NAP1L4: variants seen among roughly 807,000 people sequenced by gnomAD.
NAP1L4 encodes nucleosome assembly protein 1 like 4.
NAP1L4 carries 15 observed loss-of-function variants against 58.2 expected under a neutral mutation model. The observed-to-expected ratio is 0.26, with a 90% confidence interval of 0.17 to 0.40. The LOEUF (loss-of-function observed/expected upper bound fraction) is 0.40. Among genes scored for constraint, NAP1L4 ranks in the 10% least tolerant of loss-of-function variants. NAP1L4 has a pLI of 1.00. For missense variants in NAP1L4, 384 were observed against 451.1 expected (o/e 0.85, Z 1.35); for synonymous variants, 171 against 155.6 (o/e 1.10, Z -0.74).
chr11:2,958,377 T>C (rs1846674973), intron 10 of NAP1L4, 22 bp downstream of exon 10: 1 of 1,612,566 alleles, frequency 6.2e-7, no homozygotes, highest in Non-Finnish European at 8.5e-7. Flanking sequence ...ACATAATGAA[T>C]ATTAACAACC....
At chr11:2,979,510 C>T (rs969675238) in intron 1 of NAP1L4, among the ~76,000 whole-genome samples, 3 of 152,148 alleles carry the variant, frequency 2.0e-5, no homozygotes, top group African/African-American at 7.2e-5. Context: ...CGGTGGTTCA[C>T]GCCTGTAATC....
chr11:2,961,491 C>T lies in NAP1L4; in HGVS notation c.607-1582G>A, dbSNP rs554348453. Among the ~76,000 whole-genome samples the T allele has an allele frequency of 1.5e-3, 209 of 141,332 alleles. 1 individual carries two copies. The highest frequency in any genetic ancestry group is 5.5e-3 in the African/African-American group (204 of 36,814). The allele number at this position is 141,332 out of a possible 152,430, so 92.7% of individuals were successfully genotyped here. A position where few individuals can be genotyped will look rare whatever the true frequency, so the allele number is the denominator to read the frequency against. On this transcript the variant is annotated intron_variant, in intron 8 of 15. Transcript: ENST00000380542. ...TAAAATGCCTATTTCTCTCCCAACC[C>T]TCCACGGCTTAAAAAAAAAAAAAAA...
chr11:2,990,213 C>T (rs1384443044), intron 1 of NAP1L4: 1 of 151,990 alleles, frequency 6.6e-6, no homozygotes, highest in Admixed American at 6.6e-5. Flanking sequence ...AAAAAGACTG[C>T]AATTGGATAT....
At chr11:2,945,809 C>A in intron 15 of NAP1L4, among the ~76,000 whole-genome samples, 163 bp from the exon 16 acceptor site, 1 of 152,182 alleles carries the variant, frequency 6.6e-6, no homozygotes, top group East Asian at 1.9e-4. Context: ...AAAGCTAACT[C>A]CCCCTACCAC....
intron 4 of NAP1L4, 140 bp downstream of exon 4, chr11:2,975,884 C>A (rs1847926566): frequency 1.4e-6 from 1 of 727,260 alleles, no homozygotes; most frequent in Non-Finnish European, 2.2e-6. Context: ...CCTCTCATAT[C>A]CCAGTGCCTG....
At position 2,949,875 on chromosome 11, in the gene NAP1L4, A is replaced by G. The variant is rs1256045651; in HGVS notation, c.1123-611T>C. ...GGGAGGGGGAGATACAAGTGCAACAAGGACAGAGGCAGCTGTGCGCGGAGT... is the reference window on the plus strand; with the variant it reads ...GGGAGGGGGAGATACAAGTGCAACAGGGACAGAGGCAGCTGTGCGCGGAGT... On this transcript the variant is annotated intron_variant, in intron 14 of 15. Transcript: ENST00000380542. This position sits in a 1 kb window ranked among gnomAD's most constrained non-coding sequence, Gnocchi z 4.0. 1.3e-5 allele frequency among the ~76,000 whole-genome samples: 2 copies of G among 152,270 alleles called. No individual in the cohort carries two copies. Among genetic ancestry groups the G allele is most frequent in the Non-Finnish European group, 2.9e-5 (2 of 68,046 alleles).
At chr11:2,977,095 G>A (rs1848008451) in intron 3 of NAP1L4, among the ~76,000 whole-genome samples, 1 of 152,230 alleles carries the variant, frequency 6.6e-6, no homozygotes, top group East Asian at 1.9e-4. Flanking sequence ...CACATGAAGT[G>A]TATTTAAGGT....
chr11:2,964,227 T>C (rs1847124662), intron 8 of NAP1L4, among the ~76,000 whole-genome samples: 1 of 152,122 alleles, frequency 6.6e-6, no homozygotes, highest in African/African-American at 2.4e-5. Context: ...ACATATACAT[T>C]AGATGCATGC....
intron 4 of NAP1L4, among the ~76,000 whole-genome samples, chr11:2,974,246 G>A (rs138357854): frequency 9.6e-4 from 146 of 152,186 alleles, no homozygotes; most frequent in African/African-American, 3.1e-3. Context: ...TCGTCATTTA[G>A]ACAAAGGATG....
At chr11:2,964,834 C>T in intron 7 of NAP1L4, 83 bp from the exon 8 acceptor site, 3 of 1,002,068 alleles carry the variant, frequency 3.0e-6, no homozygotes, top group Non-Finnish European at 4.6e-6. Flanking sequence ...TGCAGAGGCT[C>T]CCAGATGTTG....
rs1846515601 is a variant in NAP1L4, at chr11:2,955,959, C to T, written c.893-193G>A. Among the ~76,000 whole-genome samples, 1 of 152,178 alleles carries T rather than the reference C, an allele frequency of 6.6e-6. No homozygotes were observed. The highest frequency in any genetic ancestry group is 6.5e-5 in the Admixed American group (1 of 15,286). On this transcript the variant is annotated intron_variant, in intron 10 of 15. Transcript: ENST00000380542. This position sits in a 1 kb window ranked among gnomAD's most constrained non-coding sequence, Gnocchi z 4.2. ...CTCCATCCACCACTTCTGAAGCTGG[C>T]CTGAGTGCCTCTATGCCCCCCTCCC...
intron 1 of NAP1L4, among the ~76,000 whole-genome samples, chr11:2,979,632 C>T (rs987728239): frequency 1.1e-4 from 16 of 152,122 alleles, no homozygotes; most frequent in East Asian, 1.9e-4. Flanking sequence ...ATTAGCTGAG[C>T]GTGGTGGTGC....
intron 12 of NAP1L4, among the ~76,000 whole-genome samples, chr11:2,953,393 G>A (rs1214338939): frequency 6.6e-6 from 1 of 152,204 alleles, no homozygotes; most frequent in African/African-American, 2.4e-5. Flanking sequence ...TTAAACTAAG[G>A]TAAATGAAAT....
chr11:2,960,929 C>G (rs1343818357), intron 8 of NAP1L4, among the ~76,000 whole-genome samples: 1 of 152,190 alleles, frequency 6.6e-6, no homozygotes, highest in Admixed American at 6.5e-5. Context: ...CCATCTCTGC[C>G]TACACTGCTA....
chr11:2,986,491 T>G (rs1245982532), intron 1 of NAP1L4, among the ~76,000 whole-genome samples: 1 of 152,126 alleles, frequency 6.6e-6, no homozygotes, highest in Non-Finnish European at 1.5e-5. Flanking sequence ...CTTAATAAAC[T>G]CAAAGGTCCT....
Position 2,979,189 on chromosome 11 carries a change from A to T in NAP1L4, c.14+18T>A. 1 of 1,608,734 alleles carries T rather than the reference A, an allele frequency of 6.2e-7. No homozygotes were observed. Among genetic ancestry groups the T allele is most frequent in the Middle Eastern group, 1.7e-4 (1 of 6,050 alleles). On this transcript the variant is annotated intron_variant, in intron 2 of 15. Transcript: ENST00000380542. ...ACTGAATTTTAAACTCCAATAAACA[A>T]AGTCCACTTTGGCTTACCTGTGATC...
chr11:2,958,634 C>G (rs1306621157), intron 9 of NAP1L4, 90 bp from the exon 10 acceptor site: 1 of 1,356,498 alleles, frequency 7.4e-7, no homozygotes, highest in African/African-American at 1.5e-5. Context: ...AGCTCTATGC[C>G]AAACCTGGAA....
chr11:2,983,305 CAG>C (rs1410194825), intron 1 of NAP1L4, among the ~76,000 whole-genome samples: 4 of 152,166 alleles, frequency 2.6e-5, no homozygotes, highest in Admixed American at 6.5e-5. Context: ...TCCAACTTAA[CAG>C]AGTCCATTGA....
chr11:2,982,244 A>C (rs1429569921), intron 1 of NAP1L4, among the ~76,000 whole-genome samples: 1 of 152,232 alleles, frequency 6.6e-6, no homozygotes, highest in Non-Finnish European at 1.5e-5. Flanking sequence ...ATTCTGATAC[A>C]TACTGCCAAA....
Sources: allele counts gnomAD v4.1 joint callset (sites outside exome capture counted in the v4.1 genomes callset), GRCh38; gene constraint gnomAD v4.1.1; non-coding constraint Gnocchi (gnomAD v3.1); transcripts MANE v1.5; gene names NCBI Gene and HGNC (gene_info 2026-07-23, HGNC 2026-07-21).